SNAP47: variants seen among roughly 807,000 people sequenced by gnomAD.
SNAP47 encodes the protein synaptosomal-associated protein 47.
Under a neutral mutation model 31.4 loss-of-function variants are expected in SNAP47, and 20 were observed. The ratio of observed to expected loss-of-function variants is 0.64; its 90% CI spans 0.45 to 0.93. The LOEUF is 0.93. Ranked by LOEUF, SNAP47 falls within the 40% of genes least tolerant of loss-of-function variation. The pLI, the probability that SNAP47 is intolerant of heterozygous loss-of-function variation, is 0.00. For synonymous variants in SNAP47, 194 were observed against 213.4 expected (o/e 0.91, Z 0.79); for missense variants, 492 against 528.5 (o/e 0.93, Z 0.68).
chr1:227,729,449 T>A (rs577409468), intron 1 of SNAP47, among the ~76,000 whole-genome samples: 2 of 152,192 alleles, frequency 1.3e-5, no homozygotes, highest in African/African-American at 4.8e-5. Flanking sequence ...GCTGGCACAA[T>A]CACCTGCCAA....
intron 1 of SNAP47, chr1:227,736,522 T>G (rs1450767600): frequency 3.7e-5 from 5 of 134,958 alleles, no homozygotes; most frequent in African/African-American, 8.5e-5. Context: ...TTTTTTTTTT[T>G]TTTTTTTTTT....
In SNAP47 at chr1:227,780,801, C is replaced by T; in HGVS notation, c.*128C>T. 2 of 1,324,472 alleles carry T rather than the reference C, an allele frequency of 1.5e-6. No individual in the cohort carries two copies. The allele number at this position is 1,324,472 out of a possible 1,614,324, so 82.0% of individuals were successfully genotyped here. A position where few individuals can be genotyped will look rare whatever the true frequency, so the allele number is the denominator to read the frequency against. ...GGTCTTCCTCTGGATGGGGCTGCTA[C>T]TGTGGGGCTGCTTCTGCACCAGGGG... On this transcript the variant is annotated 3_prime_UTR_variant, in exon 5 of 5. Transcript: ENST00000617596.
At chr1:227,729,995 T>C (rs1235090922) in intron 1 of SNAP47, among the ~76,000 whole-genome samples, 1 of 152,196 alleles carries the variant, frequency 6.6e-6, no homozygotes, top group East Asian at 1.9e-4. Flanking sequence ...TGCACAGCCA[T>C]TGTCCCCACA....
At chr1:227,733,362 C>T (rs978616596), upstream of SNAP47, 33 of 1,533,128 alleles carry the variant, frequency 2.2e-5, no homozygotes, top group South Asian at 1.5e-4. Context: ...GTGGTGCTGC[C>T]GTCTTCCTGC....
chr1:227,780,502 G>A (rs368061052), intron 4 of SNAP47, 25 bp from the exon 5 acceptor site: 3 of 1,613,128 alleles, frequency 1.9e-6, no homozygotes, highest in Non-Finnish European at 1.7e-6. Flanking sequence ...GGCAGCCTCT[G>A]CTGTGATCTT....
intron 3 of SNAP47, among the ~76,000 whole-genome samples, chr1:227,761,563 A>AGT (rs147975329): frequency 6.6e-6 from 1 of 152,296 alleles, no homozygotes; most frequent in East Asian, 1.9e-4. Context: ...CCTGAACCCG[A>AGT]GTGTCCTAGT....
intron 3 of SNAP47, among the ~76,000 whole-genome samples, chr1:227,764,437 C>T (rs1663257992): frequency 6.6e-6 from 1 of 152,168 alleles, no homozygotes; most frequent in Admixed American, 6.5e-5. Flanking sequence ...AAATGAAAGC[C>T]ATGTCGTAGG....
rs549558347 is a variant in SNAP47 at position 227,743,038 on chromosome 1, TG to T, written c.-45-4649del. 3.2e-3 allele frequency among the ~76,000 whole-genome samples: 483 copies of T among 152,194 alleles called. 3 individuals carry two copies. Among genetic ancestry groups the T allele is most frequent in the Non-Finnish European group, 4.5e-3 (303 of 67,990 alleles). ...GCCCACTGGGCCCTTGCTGTGACCC[TG>T]GGGGTGTAGCTAGGTTGACCATGGT... is the stretch of plus-strand genomic sequence containing the variant. On this transcript the variant is annotated intron_variant, in intron 1 of 4. Coordinates refer to ENST00000617596, the MANE Select transcript of SNAP47 (RefSeq NM_053052.4).
At chr1:227,764,213 T>C (rs1663243849) in intron 3 of SNAP47, among the ~76,000 whole-genome samples, 1 of 152,030 alleles carries the variant, frequency 6.6e-6, no homozygotes. Context: ...CTGGAAGAAA[T>C]GTTAAAAAGA....
chr1:227,779,295 A>G (rs1178400478), intron 4 of SNAP47, among the ~76,000 whole-genome samples: 1 of 150,594 alleles, frequency 6.6e-6, no homozygotes, highest in Admixed American at 6.6e-5. Context: ...CCCAAGCTGC[A>G]TGTGTCCCAC....
chr1:227,733,537 T>G, upstream of SNAP47: 2 of 1,607,126 alleles, frequency 1.2e-6, no homozygotes, highest in South Asian at 2.2e-5. Flanking sequence ...CGCAGAGTGC[T>G]GGGGAGGTCA....
At chr1:227,769,335 G>A (rs766631203) in intron 4 of SNAP47, among the ~76,000 whole-genome samples, 33 of 152,268 alleles carry the variant, frequency 2.2e-4, no homozygotes, top group Middle Eastern at 6.8e-3. Flanking sequence ...TGCCTTGGGG[G>A]CAAGGGCAGC....
chr1:227,747,686 C>G lies in SNAP47; in HGVS notation c.-45-6C>G. 6.3e-7 allele frequency: 1 copy of G among 1,582,790 alleles called. No individual in the cohort carries two copies. Among genetic ancestry groups the G allele is most frequent in the Non-Finnish European group, 8.6e-7 (1 of 1,160,376 alleles). ...CGGCAGAACGTTACTGTCTCTTCTC[C>G]TTCAGAGGCAGAAGAGGCCTGGACC... On this transcript the variant is annotated splice_region_variant and splice_polypyrimidine_tract_variant and intron_variant, in intron 1 of 4. Transcript: ENST00000617596.
chr1:227,761,426 A>C (rs558222575), intron 3 of SNAP47, among the ~76,000 whole-genome samples: 1 of 152,320 alleles, frequency 6.6e-6, no homozygotes, highest in East Asian at 1.9e-4. Context: ...TATATGTCTT[A>C]AAGTCAGGGG....
chr1:227,729,482 G>C (rs1660503688), intron 1 of SNAP47, among the ~76,000 whole-genome samples: 1 of 152,170 alleles, frequency 6.6e-6, no homozygotes, highest in Non-Finnish European at 1.5e-5. Context: ...TGGTGGATGG[G>C]GGACAGGGCT....
chr1:227,747,564 A>G (rs1662047120), intron 1 of SNAP47, 128 bp from the exon 2 acceptor site: 2 of 909,790 alleles, frequency 2.2e-6, no homozygotes, highest in African/African-American at 1.7e-5. Flanking sequence ...CCACAGGTGG[A>G]TCGAGAGTCA....
rs1664414960 is a variant in SNAP47, at chr1:227,780,725, G to A, written c.*52G>A. ...TCACCCTGCACATCCCGCTGAGATG[G>A]AGGGCTGGGCGGCAGTGCCAGGGCT... On this transcript the variant is annotated 3_prime_UTR_variant, in exon 5 of 5. Transcript: ENST00000617596. 1.2e-6 allele frequency: 2 copies of A among 1,608,322 alleles called. No homozygotes were observed. The highest frequency in any genetic ancestry group is 3.3e-4 in the Middle Eastern group (2 of 6,040).
chr1:227,733,500 G>C, upstream of SNAP47: 1 of 1,595,262 alleles, frequency 6.3e-7, no homozygotes, highest in Non-Finnish European at 8.5e-7. Flanking sequence ...GGGCCAGCAA[G>C]CTGGTTCCGT....
upstream of SNAP47, chr1:227,732,290 G>A (rs775515248): frequency 1.5e-6 from 2 of 1,373,418 alleles, no homozygotes; most frequent in African/African-American, 2.9e-5. Flanking sequence ...CCTCGACAGG[G>A]GTGGGCCCCA....
Sources: allele counts gnomAD v4.1 joint callset (sites outside exome capture counted in the v4.1 genomes callset), GRCh38; gene constraint gnomAD v4.1.1; transcripts MANE v1.5; gene names NCBI Gene and HGNC (gene_info 2026-07-23, HGNC 2026-07-21).